Variants in ROCK2 observed in about 807,000 individuals in gnomAD.
ROCK2 encodes the protein rho-associated protein kinase 2.
Under a neutral mutation model 195.1 loss-of-function variants are expected in ROCK2, and 61 were observed. That is an observed-to-expected ratio of 0.31 (90% CI 0.25 to 0.39). The LOEUF is 0.39. Among genes scored for constraint, ROCK2 ranks in the 10% least tolerant of loss-of-function variants. The probability of loss-of-function intolerance (pLI) is 1.00; values close to 1 mark genes in which losing one functional copy is unlikely to be tolerated. For missense variants in ROCK2, 1,109 were observed against 1,637.4 expected, an observed-to-expected ratio of 0.68 and a Z score of 5.57; for synonymous variants, 504 against 545.5, an observed-to-expected ratio of 0.92 and a Z score of 1.06.
At chr2:11,258,847 G>C (rs1666126329) in intron 3 of ROCK2, among the ~76,000 whole-genome samples, 1 of 150,952 alleles carries the variant, frequency 6.6e-6, no homozygotes, top group Non-Finnish European at 1.5e-5. Flanking sequence ...AGAGGACACT[G>C]GTGTTTGATG....
chr2:11,206,455 C>T (rs1664054502), intron 20 of ROCK2, among the ~76,000 whole-genome samples: 1 of 151,914 alleles, frequency 6.6e-6, no homozygotes, highest in African/African-American at 2.4e-5. Flanking sequence ...AGCTAATATA[C>T]AGAAAAAAAA....
intron 32 of ROCK2, chr2:11,184,697 G>GTCA (rs1222325343): frequency 1.0e-6 from 1 of 982,880 alleles, no homozygotes; most frequent in Non-Finnish European, 1.2e-6. Flanking sequence ...CAAAAACATC[G>GTCA]TCATCATCAT....
chr2:11,236,245 G>T (rs1665199450), intron 4 of ROCK2, among the ~76,000 whole-genome samples: 1 of 151,710 alleles, frequency 6.6e-6, no homozygotes, highest in Admixed American at 6.6e-5. Flanking sequence ...ATTTAAGAAA[G>T]AAACAAACAG....
At chr2:11,326,609 G>C (rs1452333448) in intron 1 of ROCK2, among the ~76,000 whole-genome samples, 1 of 152,194 alleles carries the variant, frequency 6.6e-6, no homozygotes, top group Non-Finnish European at 1.5e-5. Context: ...ATATCATGCA[G>C]TAAGAAATGA....
Position 11,201,970 on chromosome 2 carries a change from TTA to T in ROCK2, c.2619+80_2619+81del, listed in dbSNP as rs1412192571. On this transcript the variant is annotated intron_variant, in intron 21 of 32. Transcript: ENST00000315872. This position sits in a 1 kb window ranked among gnomAD's most constrained non-coding sequence, Gnocchi z 4.6. ...ACATTCTTTTGCCCAGCTGCTCTTT[TTA>T]TATGAGTTGTATGGTATAAATAAAA... 4 of 1,014,190 alleles carry T rather than the reference TTA, an allele frequency of 3.9e-6. No individual in the cohort carries two copies. The African/African-American group carries it at 4.8e-5, about 12-fold the overall frequency. The allele number at this position is 1,014,190 out of a possible 1,614,324, so 62.8% of individuals were successfully genotyped here.
In ROCK2 at chr2:11,235,545, TAAGGA is replaced by T. The variant is rs933968552; in HGVS notation, c.723+152_723+156del. On this transcript the variant is annotated intron_variant, in intron 5 of 32. Coordinates refer to ENST00000315872, the MANE Select transcript of ROCK2 (RefSeq NM_004850.5). The surrounding 1 kb of genome is among the most constrained non-coding windows in gnomAD (Gnocchi z 4.2). ...TACAAAAGAAATGTTTTAAGTTGGT[TAAGGA>T]AATGTTTTAAGTTGGTTATATCTTG... Among the ~76,000 whole-genome samples the T allele has an allele frequency of 2.0e-5, 3 of 152,330 alleles. No homozygotes were observed. The highest frequency in any genetic ancestry group is 2.0e-4 in the Admixed American group (3 of 15,300).
intron 3 of ROCK2, among the ~76,000 whole-genome samples, chr2:11,283,225 G>A (rs768619168): frequency 1.3e-5 from 2 of 149,016 alleles, no homozygotes; most frequent in South Asian, 2.1e-4. Context: ...CCTAGATAGC[G>A]CCATTGCACT....
At chr2:11,286,731 A>T (rs1226705738) in intron 2 of ROCK2, 92 bp from the exon 3 acceptor site, 5 of 807,310 alleles carry the variant, frequency 6.2e-6, no homozygotes, top group Non-Finnish European at 9.3e-6. Flanking sequence ...TTTCAAGAAA[A>T]GACAGTTTTT....
At chr2:11,265,575 C>T (rs1045901550) in intron 3 of ROCK2, among the ~76,000 whole-genome samples, 1 of 151,916 alleles carries the variant, frequency 6.6e-6, no homozygotes, top group Non-Finnish European at 1.5e-5. Context: ...AGCAGTGAAA[C>T]GATACAAAAA....
In ROCK2 at chr2:11,183,434, C is replaced by G. The variant is rs1465620542; in HGVS notation, c.*3G>C. ...GAATAATGACTGCTTTCATAGAAGG[C>G]AGTTAGCTGAAAAGAAAGGAAAAAT... On this transcript the variant is annotated 3_prime_UTR_variant, in exon 33 of 33. Transcript: ENST00000315872. The G allele has an allele frequency of 2.5e-6, 4 of 1,594,150 alleles. No individual in the cohort carries two copies. In the Admixed American group the frequency reaches 5.2e-5, roughly 21 times the overall value.
intron 20 of ROCK2, among the ~76,000 whole-genome samples, chr2:11,205,535 C>T (rs1021338229): frequency 2.0e-5 from 3 of 150,624 alleles, no homozygotes; most frequent in African/African-American, 7.3e-5. Flanking sequence ...AAGAGATATA[C>T]ATGTTGGCCA....
chr2:11,296,019 A>AGAGAGAGAGAGAGAGAGAGAGG (rs1667522563), intron 1 of ROCK2, among the ~76,000 whole-genome samples: 1 of 109,904 alleles, frequency 9.1e-6, no homozygotes, highest in Non-Finnish European at 2.1e-5. Flanking sequence ...AGAGAGAGAG[A>AGAGAGAGAGAGAGAGAGAGAGG]GAGAGAGAGA....
intron 4 of ROCK2, among the ~76,000 whole-genome samples, chr2:11,244,963 A>C (rs1665561375): frequency 2.0e-5 from 3 of 151,996 alleles, no homozygotes; most frequent in African/African-American, 7.2e-5. Context: ...TAATTAAATT[A>C]AATTAAAGGT....
intron 1 of ROCK2, among the ~76,000 whole-genome samples, chr2:11,296,100 G>A (rs976158269): frequency 1.1e-4 from 16 of 148,394 alleles, no homozygotes; most frequent in African/African-American, 4.0e-4. Flanking sequence ...GGACATTTTG[G>A]AGCTGAAGGG....
At chr2:11,268,416 TGCCACAGCATTC>T (rs1430772618) in intron 3 of ROCK2, among the ~76,000 whole-genome samples, 4 of 152,270 alleles carry the variant, frequency 2.6e-5, no homozygotes, top group African/African-American at 9.6e-5. Context: ...TTTTGAAATA[TGCCACAGCATTC>T]GCTTCTTAAG....
At chr2:11,325,869 C>A (rs543461166) in intron 1 of ROCK2, among the ~76,000 whole-genome samples, 1 of 152,100 alleles carries the variant, frequency 6.6e-6, no homozygotes, top group South Asian at 2.1e-4. Flanking sequence ...CAGGGATATG[C>A]GAGGCAAGTG....
chr2:11,244,714 C>T (rs761203782), intron 4 of ROCK2, among the ~76,000 whole-genome samples: 2 of 151,654 alleles, frequency 1.3e-5, no homozygotes, highest in Non-Finnish European at 2.9e-5. Flanking sequence ...GAGCCATGAC[C>T]TTGCCACTGT....
intron 3 of ROCK2, among the ~76,000 whole-genome samples, chr2:11,285,606 C>T (rs182874768): frequency 2.8e-4 from 42 of 152,188 alleles, no homozygotes; most frequent in African/African-American, 9.6e-4. Context: ...GCAGGTAGAT[C>T]CCTTGAGTCC....
Position 11,182,255 on chromosome 2 carries a change from T to A in ROCK2, c.*1182A>T, listed in dbSNP as rs1572209147. The A allele has an allele frequency of 6.6e-6, 1 of 152,244 alleles. No homozygotes were observed. The highest frequency in any genetic ancestry group is 2.4e-5 in the African/African-American group (1 of 41,472). 9.4% of individuals were successfully genotyped at this position (152,244 alleles called of 1,614,324 possible). A position where few individuals can be genotyped will look rare whatever the true frequency, so the allele number is the denominator to read the frequency against. On this transcript the variant is annotated 3_prime_UTR_variant, in exon 33 of 33. Transcript: ENST00000315872. ...CACAGCTGCATGTCTGAGGATCATA[T>A]TTAAATATTTAAAATGCATCTACAG... is the stretch of plus-strand genomic sequence containing the variant.
Sources: gnomAD v4.1 joint callset for allele counts (sites outside exome capture counted in the v4.1 genomes callset) on GRCh38, gnomAD v4.1.1 for gene constraint, Gnocchi (gnomAD v3.1) non-coding constraint, MANE v1.5 for transcripts, NCBI Gene and HGNC (gene_info 2026-07-23, HGNC 2026-07-21) for gene names.